PRKAR2A: variants seen among roughly 807,000 people sequenced by gnomAD.
The protein encoded by PRKAR2A is cAMP-dependent protein kinase type II-alpha regulatory subunit.
Under a neutral mutation model 51.9 loss-of-function variants are expected in PRKAR2A, and 29 were observed. The observed-to-expected ratio is 0.56, with a 90% CI of 0.42 to 0.76. PRKAR2A has a LOEUF of 0.76. Among genes scored for constraint, PRKAR2A ranks in the 30% least tolerant of loss-of-function variants. The pLI, the probability that PRKAR2A is intolerant of heterozygous loss-of-function variation, is 0.00. For missense variants in PRKAR2A, 445 were observed against 512.1 expected, an observed-to-expected ratio of 0.87 and a Z score of 1.26; for synonymous variants, 178 against 186.2, an observed-to-expected ratio of 0.96 and a Z score of 0.36.
intron 3 of PRKAR2A, among the ~76,000 whole-genome samples, chr3:48,791,234 C>G (rs1483800066): frequency 7.3e-6 from 1 of 136,932 alleles, no homozygotes; most frequent in Admixed American, 7.9e-5. Context: ...TTGCAGTGAG[C>G]CAAGATTGTG....
intron 8 of PRKAR2A, among the ~76,000 whole-genome samples, chr3:48,757,037 G>C (rs1203069719): frequency 6.6e-6 from 1 of 152,186 alleles, no homozygotes; most frequent in Non-Finnish European, 1.5e-5. Flanking sequence ...ACAACCAGCA[G>C]AGCCAAATCA....
rs1310265515 is a variant in PRKAR2A, at chr3:48,751,054, A to C, written c.*531T>G. 1 of 346,990 alleles carries C rather than the reference A, an allele frequency of 2.9e-6. No homozygotes were observed. 21.5% of individuals were successfully genotyped at this position (346,990 alleles called of 1,614,324 possible). On this transcript the variant is annotated 3_prime_UTR_variant, in exon 11 of 11. Coordinates refer to ENST00000265563, the MANE Select transcript of PRKAR2A (RefSeq NM_004157.4). ...CAATGCCACTGGGCTACATATGTCCATATCATCCACCACCATTTCCCACTG... is the reference window on the plus strand; with the variant it reads ...CAATGCCACTGGGCTACATATGTCCCTATCATCCACCACCATTTCCCACTG...
intron 1 of PRKAR2A, among the ~76,000 whole-genome samples, chr3:48,836,390 C>T (rs2083283334): frequency 8.0e-6 from 1 of 124,370 alleles, no homozygotes; most frequent in African/African-American, 3.1e-5. Context: ...TTGTGCACTC[C>T]AGCCTGGGCG....
At chr3:48,760,010 A>G (rs1269556849) in intron 8 of PRKAR2A, among the ~76,000 whole-genome samples, 1 of 152,216 alleles carries the variant, frequency 6.6e-6, no homozygotes, top group Non-Finnish European at 1.5e-5. Context: ...AGAATAAGCT[A>G]AATATTCTAT....
intron 1 of PRKAR2A, among the ~76,000 whole-genome samples, chr3:48,829,857 A>ATATG (rs2083153879): frequency 1.2e-5 from 1 of 82,364 alleles, no homozygotes; most frequent in Non-Finnish European, 2.1e-5. Flanking sequence ...GTATATATAT[A>ATATG]TATATATATA....
rs557448540 is a variant in PRKAR2A at position 48,834,821 on chromosome 3, A to G, written c.262+12514T>C. On this transcript the variant is annotated intron_variant, in intron 1 of 10. Coordinates refer to ENST00000265563, the MANE Select transcript of PRKAR2A (RefSeq NM_004157.4). The stretch of plus-strand genomic sequence containing the variant: ...TATAAGGAACGAGTTTCCAGACAAA[A>G]AGTTTCAACAACAAAAAGACAAATA... Among the ~76,000 whole-genome samples, 445 of 152,206 alleles carry G rather than the reference A, an allele frequency of 2.9e-3. 3 individuals carry two copies. Among genetic ancestry groups the G allele is most frequent in the African/African-American group, 9.8e-3 (405 of 41,538 alleles).
intron 1 of PRKAR2A, among the ~76,000 whole-genome samples, chr3:48,841,119 C>T (rs1364766870): frequency 6.7e-6 from 1 of 150,086 alleles, no homozygotes; most frequent in Non-Finnish European, 1.5e-5. Context: ...CTCCTGACCT[C>T]AGGTGATCCG....
At chr3:48,827,695 G>A (rs2083092386) in intron 1 of PRKAR2A, among the ~76,000 whole-genome samples, 2 of 152,004 alleles carry the variant, frequency 1.3e-5, no homozygotes, top group East Asian at 1.9e-4. Flanking sequence ...GAGTTATTTC[G>A]GGTGTAGTCA....
rs566605487 is a variant in PRKAR2A, at chr3:48,758,399, C to T, written c.874-1955G>A. 2.5e-4 allele frequency among the ~76,000 whole-genome samples: 37 copies of T among 150,696 alleles called. No individual in the cohort carries two copies. In the South Asian group the frequency reaches 2.5e-3, roughly 10 times the overall value. On this transcript the variant is annotated intron_variant, in intron 8 of 10. Transcript: ENST00000265563. Reference sequence around the variant, plus strand: ...TTCGAGACCAGCTTGGGCAACATGGCGGCGAAACCCCATCTCTACCTAAAC... The same window carrying T: ...TTCGAGACCAGCTTGGGCAACATGGTGGCGAAACCCCATCTCTACCTAAAC...
intron 1 of PRKAR2A, among the ~76,000 whole-genome samples, chr3:48,816,792 C>A (rs998777486): frequency 2.0e-5 from 3 of 152,160 alleles, no homozygotes; most frequent in African/African-American, 7.2e-5. Flanking sequence ...AGCAAGTTTA[C>A]CCACCCAATG....
chr3:48,814,340 C>A (rs143582612), intron 1 of PRKAR2A, among the ~76,000 whole-genome samples: 1 of 152,058 alleles, frequency 6.6e-6, no homozygotes, highest in African/African-American at 2.4e-5. Flanking sequence ...ATTGCTTGAA[C>A]CACGGAGGTG....
intron 3 of PRKAR2A, among the ~76,000 whole-genome samples, chr3:48,791,626 G>T (rs1232533945): frequency 6.7e-6 from 1 of 148,622 alleles, no homozygotes; most frequent in Non-Finnish European, 1.5e-5. Context: ...GCTGGGCATG[G>T]TGGCTCACTC....
chr3:48,760,863 GT>G (rs1393928877), intron 8 of PRKAR2A, among the ~76,000 whole-genome samples: 1 of 150,642 alleles, frequency 6.6e-6, no homozygotes. Context: ...AATTAGCTTA[GT>G]GTGGTGGCAT....
chr3:48,843,683 A>G (rs2083414881), intron 1 of PRKAR2A, among the ~76,000 whole-genome samples: 1 of 152,186 alleles, frequency 6.6e-6, no homozygotes, highest in African/African-American at 2.4e-5. Flanking sequence ...ATAACTCCGC[A>G]TATCTACAAC....
intron 1 of PRKAR2A, among the ~76,000 whole-genome samples, chr3:48,843,938 T>C (rs1316992736): frequency 1.3e-5 from 2 of 150,516 alleles, no homozygotes; most frequent in Non-Finnish European, 3.0e-5. Context: ...AAGGACTTCA[T>C]GTCTAAAACA....
intron 1 of PRKAR2A, among the ~76,000 whole-genome samples, chr3:48,841,901 AC>A (rs1193250679): frequency 1.3e-5 from 2 of 152,228 alleles, no homozygotes; most frequent in East Asian, 3.8e-4. Context: ...AAAATAGGGT[AC>A]AAAGATTTTA....
intron 2 of PRKAR2A, among the ~76,000 whole-genome samples, chr3:48,802,677 T>C (rs2082608880): frequency 6.6e-6 from 1 of 152,162 alleles, no homozygotes; most frequent in Admixed American, 6.6e-5. Flanking sequence ...CACTCCAGCC[T>C]GGGTGACACA....
chr3:48,794,099 G>T, intron 2 of PRKAR2A, 50 bp from the exon 3 acceptor site: 1 of 1,406,440 alleles, frequency 7.1e-7, no homozygotes, highest in East Asian at 2.3e-5. Flanking sequence ...CAGATGTGTG[G>T]CTTTAGGAAA....
intron 1 of PRKAR2A, among the ~76,000 whole-genome samples, chr3:48,827,864 AT>A (rs551221162): frequency 6.6e-6 from 1 of 151,248 alleles, no homozygotes; most frequent in Non-Finnish European, 1.5e-5. Flanking sequence ...ATAAACCTTA[AT>A]TTTTTTTTGT....
Sources: gnomAD v4.1 joint callset for allele counts (sites outside exome capture counted in the v4.1 genomes callset) on GRCh38, gnomAD v4.1.1 for gene constraint, MANE v1.5 for transcripts, NCBI Gene and HGNC (gene_info 2026-07-23, HGNC 2026-07-21) for gene names.